Variants in TESC observed in about 807,000 individuals in gnomAD.
TESC encodes tescalcin, also known as calcineurin B homologous protein 3.
A neutral mutation model predicts 31.0 loss-of-function variants in TESC; 19 were observed. That is an observed-to-expected ratio of 0.61 (90% CI 0.43 to 0.90). TESC has a LOEUF of 0.90. TESC is among the 40% of genes least tolerant of loss of function. TESC has a pLI of 0.00. For missense variants in TESC, 248 were observed against 303.8 expected, an observed-to-expected ratio of 0.82 and a Z score of 1.36; for synonymous variants, 109 against 114.8, an observed-to-expected ratio of 0.95 and a Z score of 0.32.
chr12:117,079,185 C>T (rs1364763555), intron 1 of TESC, among the ~76,000 whole-genome samples: 1 of 152,090 alleles, frequency 6.6e-6, no homozygotes, highest in Admixed American at 6.5e-5. Context: ...TGTATGATCA[C>T]TTAACCCCCA....
intron 1 of TESC, among the ~76,000 whole-genome samples, chr12:117,081,624 C>T (rs1955149018): frequency 6.6e-6 from 1 of 152,162 alleles, no homozygotes; most frequent in South Asian, 2.1e-4. Flanking sequence ...AACTGGGGGG[C>T]TGGGTGTGGT....
chr12:117,083,676 T>C (rs1051748601), intron 1 of TESC, among the ~76,000 whole-genome samples: 3 of 152,228 alleles, frequency 2.0e-5, no homozygotes, highest in African/African-American at 7.2e-5. Flanking sequence ...TTACACGAAG[T>C]GCCCTGAACA....
intron 3 of TESC, among the ~76,000 whole-genome samples, chr12:117,051,198 T>C (rs1003071872): frequency 3.9e-5 from 6 of 152,238 alleles, no homozygotes; most frequent in Admixed American, 3.9e-4. Flanking sequence ...TGCACCTCCA[T>C]GTAAAGGAAT....
At chr12:117,089,245 G>C (rs1320642470) in intron 1 of TESC, among the ~76,000 whole-genome samples, 2 of 152,214 alleles carry the variant, frequency 1.3e-5, no homozygotes, top group Non-Finnish European at 2.9e-5. Context: ...AATGTGAAAA[G>C]TGTTTTCAGA....
chr12:117,075,483 G>A, intron 1 of TESC, 143 bp from the exon 2 acceptor site: 1 of 815,438 alleles, frequency 1.2e-6, no homozygotes, highest in Non-Finnish European at 1.9e-6. Context: ...GCAAAAGCGA[G>A]TGCCGGGTGA....
chr12:117,098,960 C>T (rs1044753733), intron 1 of TESC, among the ~76,000 whole-genome samples: 2 of 152,140 alleles, frequency 1.3e-5, no homozygotes, highest in African/African-American at 4.8e-5. Flanking sequence ...GCCCCGCTCC[C>T]TCCCCGGTCC....
rs559210627 is a variant in TESC at position 117,044,365 on chromosome 12, G to C, written c.519+2194C>G. On this transcript the variant is annotated intron_variant, in intron 6 of 7. Transcript: ENST00000335209. ...TGTCCCTAATGGCTCCTTCCTCCCT[G>C]TCTTCCCACTCACGGGCACAGTGGC... Among the ~76,000 whole-genome samples the C allele has an allele frequency of 2.6e-5, 4 of 152,266 alleles. No homozygotes were observed. The East Asian group carries it at 7.7e-4, about 29-fold the overall frequency.
chr12:117,097,078 G>C (rs1347707075), intron 1 of TESC, among the ~76,000 whole-genome samples: 1 of 152,176 alleles, frequency 6.6e-6, no homozygotes, highest in Non-Finnish European at 1.5e-5. Flanking sequence ...GCCTCTCCGA[G>C]TCATCTCTAA....
chr12:117,077,432 C>A (rs777758844), intron 1 of TESC, among the ~76,000 whole-genome samples: 1 of 152,232 alleles, frequency 6.6e-6, no homozygotes, highest in East Asian at 1.9e-4. Flanking sequence ...GGTATATACA[C>A]AAATAACGCA....
At chr12:117,097,505 C>T (rs1259328997) in intron 1 of TESC, among the ~76,000 whole-genome samples, 4 of 152,102 alleles carry the variant, frequency 2.6e-5, no homozygotes, top group African/African-American at 4.8e-5. Context: ...GAATGCCCAT[C>T]GACACCCATC....
At chr12:117,087,153 C>T (rs1955228627) in intron 1 of TESC, among the ~76,000 whole-genome samples, 1 of 152,224 alleles carries the variant, frequency 6.6e-6, no homozygotes, top group Non-Finnish European at 1.5e-5. Flanking sequence ...AACTCGTATA[C>T]ACCATAGATC....
At chr12:117,057,753 G>A (rs932014996) in intron 2 of TESC, among the ~76,000 whole-genome samples, 1 of 152,068 alleles carries the variant, frequency 6.6e-6, no homozygotes, top group African/African-American at 2.4e-5. Context: ...TGTGGCCCAT[G>A]CAATGGAGTT....
At chr12:117,079,942 C>T (rs962697284) in intron 1 of TESC, among the ~76,000 whole-genome samples, 1 of 152,102 alleles carries the variant, frequency 6.6e-6, no homozygotes, top group African/African-American at 2.4e-5. Flanking sequence ...ATCATAACAA[C>T]AAGGGCAGAC....
At chr12:117,083,079 C>T (rs775129668) in intron 1 of TESC, among the ~76,000 whole-genome samples, 4 of 134,924 alleles carry the variant, frequency 3.0e-5, no homozygotes, top group African/African-American at 6.3e-5. Flanking sequence ...AGCAATTCTA[C>T]TCCAAAACAA....
At chr12:117,063,779 G>T (rs890162092) in intron 2 of TESC, among the ~76,000 whole-genome samples, 1 of 152,104 alleles carries the variant, frequency 6.6e-6, no homozygotes, top group South Asian at 2.1e-4. Flanking sequence ...AGCATGTGGT[G>T]TCCCCCACAG....
At chr12:117,072,440 T>G (rs1036925774) in intron 2 of TESC, among the ~76,000 whole-genome samples, 6 of 152,180 alleles carry the variant, frequency 3.9e-5, no homozygotes, top group African/African-American at 1.4e-4. Context: ...ACTTTCCAGA[T>G]GAGGAGACCA....
intron 2 of TESC, among the ~76,000 whole-genome samples, chr12:117,063,776 G>T (rs1954831262): frequency 6.6e-6 from 1 of 152,134 alleles, no homozygotes. Context: ...TTCAGCATGT[G>T]GTGTCCCCCA....
Position 117,039,078 on chromosome 12 carries a change from C to G in TESC, c.*55G>C. 1 of 1,587,110 alleles carries G rather than the reference C, an allele frequency of 6.3e-7. No homozygotes were observed. Among genetic ancestry groups the G allele is most frequent in the Non-Finnish European group, 8.6e-7 (1 of 1,163,638 alleles). ...CGCCGGGCCTGGGCTGCTCCAGCTA[C>G]GCGGGGAGGCGGCCCCATTGCAAAG... On this transcript the variant is annotated 3_prime_UTR_variant, in exon 8 of 8. Transcript: ENST00000335209.
chr12:117,094,138 G>T (rs1955360060), intron 1 of TESC, among the ~76,000 whole-genome samples: 1 of 152,180 alleles, frequency 6.6e-6, no homozygotes, highest in Non-Finnish European at 1.5e-5. Context: ...CTTCGCTCGG[G>T]CTTTTCATAT....
Sources: allele counts gnomAD v4.1 joint callset (sites outside exome capture counted in the v4.1 genomes callset), GRCh38; gene constraint gnomAD v4.1.1; transcripts MANE v1.5; gene names NCBI Gene and HGNC (gene_info 2026-07-23, HGNC 2026-07-21).